BRINP3: variants seen among roughly 807,000 people sequenced by gnomAD.
BRINP3 encodes the protein BMP/retinoic acid-inducible neural-specific protein 3.
A neutral mutation model predicts 71.0 loss-of-function variants in BRINP3; 19 were observed. The observed-to-expected ratio is 0.27, with a 90% CI of 0.19 to 0.39. BRINP3 has a LOEUF of 0.39. BRINP3 is among the 10% of genes least tolerant of loss of function. The probability of loss-of-function intolerance (pLI) is 1.00; values close to 1 mark genes in which losing one functional copy is unlikely to be tolerated. For missense variants in BRINP3, 959 were observed against 940.8 expected (o/e 1.02, Z -0.25); for synonymous variants, 380 against 337.7 (o/e 1.13, Z -1.37).
rs142771049 is a variant in BRINP3, at chr1:190,253,978, T to C, written c.618+10887A>G. Among the ~76,000 whole-genome samples, 1,002 of 152,338 alleles carry C rather than the reference T, an allele frequency of 6.6e-3. 6 individuals carry two copies. The highest frequency in any genetic ancestry group is 0.021 in the African/African-American group (889 of 41,572). On this transcript the variant is annotated intron_variant, in intron 4 of 7. Coordinates refer to ENST00000367462, the MANE Select transcript of BRINP3 (RefSeq NM_199051.3). ...AGGAAGGGATCCAGTTTCATCTTTCTACATATGGCTAGCCAGTTTTCCCAG... is the reference window on the plus strand; with the variant it reads ...AGGAAGGGATCCAGTTTCATCTTTCCACATATGGCTAGCCAGTTTTCCCAG...
chr1:190,368,310 C>G (rs151111362), intron 2 of BRINP3, among the ~76,000 whole-genome samples: 4 of 151,930 alleles, frequency 2.6e-5, no homozygotes, highest in African/African-American at 7.3e-5. Context: ...TCATGAGAAA[C>G]GACTCACTAT....
intron 2 of BRINP3, among the ~76,000 whole-genome samples, chr1:190,437,344 T>A (rs1476447510): frequency 6.6e-6 from 1 of 151,724 alleles, no homozygotes; most frequent in Non-Finnish European, 1.5e-5. Flanking sequence ...TACATTAACA[T>A]CTTAAACGAC....
chr1:190,147,553 C>G (rs188194563), intron 7 of BRINP3, among the ~76,000 whole-genome samples: 31 of 152,238 alleles, frequency 2.0e-4, no homozygotes, highest in Non-Finnish European at 3.8e-4. Flanking sequence ...TTTTTCCTCT[C>G]AAAACACCAT....
At chr1:190,142,642 G>T (rs2102394651) in intron 7 of BRINP3, among the ~76,000 whole-genome samples, 1 of 151,820 alleles carries the variant, frequency 6.6e-6, no homozygotes, top group South Asian at 2.1e-4. Context: ...TTCTATAAGT[G>T]TTTGACACCA....
In BRINP3 at chr1:190,198,464, A is replaced by G. The variant is rs544015910; in HGVS notation, c.961+27618T>C. Among the ~76,000 whole-genome samples, 7 of 152,140 alleles carry G rather than the reference A, an allele frequency of 4.6e-5. No homozygotes were observed. In the South Asian group the frequency reaches 1.5e-3, roughly 32 times the overall value. On this transcript the variant is annotated intron_variant, in intron 6 of 7. Transcript: ENST00000367462. ...CTTTTAAATATAAGTTCCAATTCCA[A>G]CCATATATTTGTGAATATATACATA...
chr1:190,221,897 G>A (rs534220891), intron 6 of BRINP3, among the ~76,000 whole-genome samples: 1 of 152,128 alleles, frequency 6.6e-6, no homozygotes, highest in East Asian at 1.9e-4. Context: ...CAACAACAGA[G>A]TTTCCTATAA....
intron 2 of BRINP3, among the ~76,000 whole-genome samples, chr1:190,343,925 T>A (rs999945593): frequency 1.3e-5 from 2 of 151,714 alleles, no homozygotes; most frequent in Non-Finnish European, 3.0e-5. Context: ...AATTGTCTTC[T>A]GAAGCATTTT....
chr1:190,151,470 C>T (rs944579856), intron 7 of BRINP3, among the ~76,000 whole-genome samples: 3 of 152,050 alleles, frequency 2.0e-5, no homozygotes, highest in Non-Finnish European at 4.4e-5. Flanking sequence ...ATTTGTACTC[C>T]ATAAAATTTT....
At chr1:190,304,220 T>C (rs866691788) in intron 2 of BRINP3, among the ~76,000 whole-genome samples, 10 of 151,988 alleles carry the variant, frequency 6.6e-5, no homozygotes, top group South Asian at 2.1e-4. Context: ...GGCTTTCAAT[T>C]ATATAACATC....
chr1:190,414,607 A>G (rs1672895994), intron 2 of BRINP3, among the ~76,000 whole-genome samples: 2 of 152,202 alleles, frequency 1.3e-5, no homozygotes, highest in African/African-American at 4.8e-5. Context: ...AGGAAAATAG[A>G]AAGAGGCAAA....
chr1:190,469,004 C>T (rs998061918), intron 1 of BRINP3, among the ~76,000 whole-genome samples: 14 of 150,894 alleles, frequency 9.3e-5, no homozygotes, highest in African/African-American at 3.1e-4. Flanking sequence ...CCTGCTGAAA[C>T]TTTGAATAAG....
intron 2 of BRINP3, among the ~76,000 whole-genome samples, chr1:190,422,247 C>T (rs1375689033): frequency 6.6e-6 from 1 of 151,630 alleles, no homozygotes; most frequent in Non-Finnish European, 1.5e-5. Context: ...TAAATGTGAC[C>T]AATGATATTA....
intron 2 of BRINP3, among the ~76,000 whole-genome samples, chr1:190,373,422 TTA>T (rs768242491): frequency 0.015 from 2,031 of 133,644 alleles, 13 homozygotes; most frequent in African/African-American, 0.027. Flanking sequence ...AATTCCTTAA[TTA>T]TATATATATA....
In BRINP3 at chr1:190,322,962, T is replaced by C. The variant is rs574860335; in HGVS notation, c.237-41212A>G. On this transcript the variant is annotated intron_variant, in intron 2 of 7. Coordinates refer to ENST00000367462, the MANE Select transcript of BRINP3 (RefSeq NM_199051.3). ...GTGATGCAACTCACATTTTTACACA[T>C]TCAAAGCGCAGAAGGATTATGTAAC... 3.2e-3 allele frequency among the ~76,000 whole-genome samples: 482 copies of C among 152,120 alleles called. 2 individuals carry two copies. The highest frequency in any genetic ancestry group is 5.3e-3 in the Non-Finnish European group (358 of 67,980).
intron 6 of BRINP3, among the ~76,000 whole-genome samples, chr1:190,189,797 T>C (rs1653874982): frequency 6.6e-6 from 1 of 152,176 alleles, no homozygotes; most frequent in Non-Finnish European, 1.5e-5. Context: ...CATGATGTCA[T>C]GTTTCCCTGG....
chr1:190,248,465 T>C lies in BRINP3; in HGVS notation c.619-13988A>G, dbSNP rs114976766. Among the ~76,000 whole-genome samples, 875 of 151,924 alleles carry C rather than the reference T, an allele frequency of 5.8e-3. 4 individuals are homozygous for C. Among genetic ancestry groups the C allele is most frequent in the South Asian group, 0.015 (70 of 4,826 alleles). ...ATAATGTGCCACCTGCCCATTAAGA[T>C]ACTATCGTCTTAATTTTTCATTCTT... On this transcript the variant is annotated intron_variant, in intron 4 of 7. Coordinates refer to ENST00000367462, the MANE Select transcript of BRINP3 (RefSeq NM_199051.3).
chr1:190,429,530 A>G lies in BRINP3; in HGVS notation c.236+25125T>C, dbSNP rs117165695. ...GACATATTCATTACTTACTGTAAAT[A>G]TTATTCTAATTGTATCAAGTTATCT... is the stretch of plus-strand genomic sequence containing the variant. On this transcript the variant is annotated intron_variant, in intron 2 of 7. Transcript: ENST00000367462. 5.1e-4 allele frequency among the ~76,000 whole-genome samples: 78 copies of G among 151,722 alleles called. 1 individual carries two copies. In the East Asian group the frequency reaches 0.014, roughly 27 times the overall value.
At chr1:190,141,005 T>C (rs917810885) in intron 7 of BRINP3, among the ~76,000 whole-genome samples, 1 of 152,174 alleles carries the variant, frequency 6.6e-6, no homozygotes, top group Non-Finnish European at 1.5e-5. Context: ...ACTTGACCAG[T>C]TGTACCTCCT....
intron 2 of BRINP3, among the ~76,000 whole-genome samples, chr1:190,308,196 A>T (rs545830400): frequency 6.7e-6 from 1 of 150,208 alleles, no homozygotes; most frequent in African/African-American, 2.5e-5. Flanking sequence ...ACATAAGAAC[A>T]CTTGTATATA....
Sources: allele counts gnomAD v4.1 joint callset (sites outside exome capture counted in the v4.1 genomes callset), GRCh38; gene constraint gnomAD v4.1.1; transcripts MANE v1.5; gene names NCBI Gene and HGNC (gene_info 2026-07-23, HGNC 2026-07-21).